The following CNTNAP5 variants were observed in gnomAD, a reference collection of about 807,000 sequenced individuals.
The protein encoded by CNTNAP5 is contactin-associated protein-like 5.
In CNTNAP5, 72 loss-of-function variants were observed where a neutral mutation model predicts 150.2. That is an observed-to-expected ratio of 0.48 (90% CI 0.40 to 0.58). The LOEUF is 0.58. Ranked by LOEUF, CNTNAP5 falls within the 20% of genes least tolerant of loss-of-function variation. The probability of loss-of-function intolerance (pLI) is 0.00; values close to 1 mark genes in which losing one functional copy is unlikely to be tolerated. For missense variants in CNTNAP5, 1,636 were observed against 1,626.2 expected (o/e 1.01, Z -0.10); for synonymous variants, 672 against 619.8 (o/e 1.08, Z -1.25).
At chr2:124,872,009 TC>T (rs1309241487) in intron 21 of CNTNAP5, among the ~76,000 whole-genome samples, 1 of 152,072 alleles carries the variant, frequency 6.6e-6, no homozygotes, top group African/African-American at 2.4e-5. Context: ...TTTCTTACCC[TC>T]TTTTTATAGC....
chr2:124,355,853 T>C (rs1210087542), intron 3 of CNTNAP5, among the ~76,000 whole-genome samples: 1 of 152,206 alleles, frequency 6.6e-6, no homozygotes, highest in East Asian at 1.9e-4. Flanking sequence ...GCCATTTCTA[T>C]GGTTAGAAAG....
intron 19 of CNTNAP5, among the ~76,000 whole-genome samples, chr2:124,812,995 T>C (rs1682271093): frequency 6.6e-6 from 1 of 152,204 alleles, no homozygotes; most frequent in South Asian, 2.1e-4. Flanking sequence ...TTCTCAGTCT[T>C]CTGGATGAAC....
chr2:124,551,275 T>G (rs936219663), intron 10 of CNTNAP5, among the ~76,000 whole-genome samples: 2 of 152,152 alleles, frequency 1.3e-5, no homozygotes, highest in Admixed American at 1.3e-4. Flanking sequence ...CCTGGAAAAT[T>G]TAGGAAACTG....
At position 124,915,157 on chromosome 2, in the gene CNTNAP5, CATATGTGTATATATGTAT is replaced by C. The variant is rs1373445512; in HGVS notation, c.*874_*891del. On this transcript the variant is annotated 3_prime_UTR_variant, in exon 24 of 24. Coordinates refer to ENST00000682447, the MANE Select transcript of CNTNAP5 (RefSeq NM_001367498.1). The stretch of plus-strand genomic sequence containing the variant: ...ATATATATATATACACACACACACA[CATATGTGTATATATGTAT>C]ATATATATGTGAGTATATATACACA... 1.2e-5 allele frequency: 2 copies of C among 165,508 alleles called. No individual in the cohort carries two copies. Among genetic ancestry groups the C allele is most frequent in the Non-Finnish European group, 2.9e-5 (2 of 67,952 alleles). 10.3% of individuals were successfully genotyped at this position (165,508 alleles called of 1,614,324 possible). A position where few individuals can be genotyped will look rare whatever the true frequency, so the allele number is the denominator to read the frequency against.
intron 13 of CNTNAP5, among the ~76,000 whole-genome samples, chr2:124,721,482 AAAATAAATAAAT>A (rs796076753): frequency 9.8e-4 from 117 of 118,858 alleles, no homozygotes; most frequent in African/African-American, 3.5e-3. Flanking sequence ...ACTCCATCTC[AAAATAAATAAAT>A]AAATAAATAA....
chr2:124,613,570 G>A (rs751502091), intron 12 of CNTNAP5, among the ~76,000 whole-genome samples: 7 of 152,236 alleles, frequency 4.6e-5, no homozygotes, highest in Non-Finnish European at 8.8e-5. Flanking sequence ...GCAAATGGAT[G>A]TCATGGGACT....
At chr2:124,263,288 C>G (rs933486934) in intron 3 of CNTNAP5, among the ~76,000 whole-genome samples, 1 of 152,188 alleles carries the variant, frequency 6.6e-6, no homozygotes, top group Non-Finnish European at 1.5e-5. Context: ...GTTCCTATTT[C>G]TCCACATCCT....
chr2:124,295,585 T>C (rs1284852934), intron 3 of CNTNAP5, among the ~76,000 whole-genome samples: 2 of 152,230 alleles, frequency 1.3e-5, no homozygotes, highest in Non-Finnish European at 2.9e-5. Context: ...TTCTGTGTGA[T>C]ACAAATGAGT....
At chr2:124,460,088 A>G (rs1693211989) in intron 6 of CNTNAP5, among the ~76,000 whole-genome samples, 1 of 152,234 alleles carries the variant, frequency 6.6e-6, no homozygotes, top group Non-Finnish European at 1.5e-5. Flanking sequence ...CATCTCCAAT[A>G]TAAATTGTTA....
chr2:124,500,754 C>T (rs1573416612), intron 7 of CNTNAP5, among the ~76,000 whole-genome samples: 1 of 151,764 alleles, frequency 6.6e-6, no homozygotes, highest in East Asian at 1.9e-4. Context: ...TTTGGCCCAG[C>T]ACTTCTGAAC....
chr2:124,782,707 A>C (rs933918103), intron 17 of CNTNAP5, among the ~76,000 whole-genome samples: 2 of 152,224 alleles, frequency 1.3e-5, no homozygotes, highest in Non-Finnish European at 2.9e-5. Context: ...ATTAAAATTT[A>C]ATTTATTGCT....
chr2:124,898,754 T>C (rs1678357707), intron 21 of CNTNAP5, among the ~76,000 whole-genome samples: 1 of 151,452 alleles, frequency 6.6e-6, no homozygotes, highest in Non-Finnish European at 1.5e-5. Context: ...GCAACAGTAC[T>C]TGGGCATGTT....
intron 7 of CNTNAP5, among the ~76,000 whole-genome samples, chr2:124,499,353 G>A (rs1485450390): frequency 6.6e-6 from 1 of 152,176 alleles, no homozygotes; most frequent in African/African-American, 2.4e-5. Flanking sequence ...ACACACGACT[G>A]TAAGCCCATG....
intron 1 of CNTNAP5, among the ~76,000 whole-genome samples, chr2:124,124,397 GA>G (rs1178745735): frequency 6.6e-6 from 1 of 152,170 alleles, no homozygotes; most frequent in Non-Finnish European, 1.5e-5. Context: ...AAGCCTCCAA[GA>G]AATATGGGAC....
intron 1 of CNTNAP5, among the ~76,000 whole-genome samples, chr2:124,097,954 G>A (rs1452480183): frequency 6.6e-6 from 1 of 152,186 alleles, no homozygotes; most frequent in Non-Finnish European, 1.5e-5. Flanking sequence ...CATGAACCCG[G>A]GAGGCGGAGC....
intron 3 of CNTNAP5, among the ~76,000 whole-genome samples, chr2:124,301,527 C>T (rs1169478176): frequency 6.6e-6 from 1 of 152,150 alleles, no homozygotes; most frequent in Non-Finnish European, 1.5e-5. Context: ...TTATGCTGCT[C>T]AGCTTGGCTT....
chr2:124,568,810 C>A (rs1310676115), intron 11 of CNTNAP5, among the ~76,000 whole-genome samples: 1 of 152,158 alleles, frequency 6.6e-6, no homozygotes, highest in African/African-American at 2.4e-5. Flanking sequence ...CTTTGGGAGG[C>A]CGAGGCGGGC....
At position 124,724,144 on chromosome 2, in the gene CNTNAP5, AAATAATAATAAT is replaced by A. The variant is rs60984074; in HGVS notation, c.2078-23063_2078-23052del. ...TGGTGACAGAGGGAGACTCCATCTCAAATAATAATAATAATAATAATAATAATAATAATGATG... is the reference window on the plus strand; with the variant it reads ...TGGTGACAGAGGGAGACTCCATCTCAAATAATAATAATAATAATAATGATG... On this transcript the variant is annotated intron_variant, in intron 13 of 23. Transcript: ENST00000682447. Among the ~76,000 whole-genome samples the A allele has an allele frequency of 5.5e-5, 8 of 145,732 alleles. No homozygotes were observed. The East Asian group carries it at 1.4e-3, about 26-fold the overall frequency.
At chr2:124,232,352 G>T in intron 2 of CNTNAP5, among the ~76,000 whole-genome samples, 2 of 152,174 alleles carry the variant, frequency 1.3e-5, no homozygotes, top group Admixed American at 1.3e-4. Context: ...TTTTTCCTTC[G>T]TCTAACTGGG....
Sources: gnomAD v4.1 joint callset for allele counts (sites outside exome capture counted in the v4.1 genomes callset) on GRCh38, gnomAD v4.1.1 for gene constraint, MANE v1.5 for transcripts, NCBI Gene and HGNC (gene_info 2026-07-23, HGNC 2026-07-21) for gene names.